ARFIP1: variants seen among roughly 807,000 people sequenced by gnomAD.
ARFIP1 encodes ARF interacting protein 1.
ARFIP1 carries 24 observed loss-of-function variants against 42.5 expected under a neutral mutation model. That is an observed-to-expected ratio of 0.57 (90% CI 0.41 to 0.80). The LOEUF (loss-of-function observed/expected upper bound fraction) is 0.80. Ranked by LOEUF, ARFIP1 falls within the 30% of genes least tolerant of loss-of-function variation. ARFIP1 has a pLI of 0.00. For synonymous variants in ARFIP1, 141 were observed against 153.7 expected (o/e 0.92, Z 0.61); for missense variants, 354 against 434.0 (o/e 0.82, Z 1.64).
chr4:152,879,183 TAA>T (rs560700406), intron 5 of ARFIP1, among the ~76,000 whole-genome samples: 3 of 143,558 alleles, frequency 2.1e-5, no homozygotes, highest in Non-Finnish European at 3.1e-5. Flanking sequence ...ACTCTTTTGT[TAA>T]AAAAAAAAAA....
At chr4:152,826,747 A>T (rs957797393) in intron 1 of ARFIP1, among the ~76,000 whole-genome samples, 5 of 152,218 alleles carry the variant, frequency 3.3e-5, no homozygotes, top group Non-Finnish European at 7.3e-5. Context: ...TTGTAGCAGC[A>T]CTGTTCACAA....
intron 2 of ARFIP1, among the ~76,000 whole-genome samples, chr4:152,833,196 A>G (rs1019300706): frequency 4.6e-5 from 7 of 152,066 alleles, no homozygotes; most frequent in African/African-American, 1.7e-4. Flanking sequence ...AGTCAATAGC[A>G]GAAAAACAGC....
At chr4:152,847,428 C>T (rs1363857887) in intron 2 of ARFIP1, among the ~76,000 whole-genome samples, 2 of 151,790 alleles carry the variant, frequency 1.3e-5, no homozygotes, top group South Asian at 2.1e-4. Context: ...CCACTGCACC[C>T]GGTGTCTTCT....
intron 5 of ARFIP1, among the ~76,000 whole-genome samples, chr4:152,873,483 AT>A (rs1271806414): frequency 3.3e-5 from 5 of 152,162 alleles, no homozygotes; most frequent in Non-Finnish European, 5.9e-5. Context: ...CTGTCCAAAA[AT>A]TATTTAGCTC....
At chr4:152,857,303 A>G (rs913813163) in intron 2 of ARFIP1, among the ~76,000 whole-genome samples, 1 of 152,244 alleles carries the variant, frequency 6.6e-6, no homozygotes, top group Non-Finnish European at 1.5e-5. Flanking sequence ...TTCTGAAATA[A>G]TGTTTTTTTA....
chr4:152,809,013 C>T (rs900174077), intron 1 of ARFIP1, among the ~76,000 whole-genome samples: 5 of 152,112 alleles, frequency 3.3e-5, no homozygotes, highest in Non-Finnish European at 7.4e-5. Flanking sequence ...GATTGCACCA[C>T]TGCATTCCAG....
intron 2 of ARFIP1, among the ~76,000 whole-genome samples, chr4:152,832,124 T>C (rs1731294465): frequency 6.6e-6 from 1 of 152,210 alleles, no homozygotes; most frequent in South Asian, 2.1e-4. Context: ...TTTGTTTTTA[T>C]TGAGTACATA....
At chr4:152,890,325 C>T (rs1395599130) in intron 8 of ARFIP1, among the ~76,000 whole-genome samples, 2 of 152,004 alleles carry the variant, frequency 1.3e-5, no homozygotes, top group African/African-American at 4.8e-5. Flanking sequence ...GAAGGAGACA[C>T]TTTTCATTTA....
chr4:152,821,967 T>C (rs1056787575), intron 1 of ARFIP1, among the ~76,000 whole-genome samples: 6 of 151,822 alleles, frequency 4.0e-5, no homozygotes, highest in African/African-American at 1.2e-4. Flanking sequence ...TTAAAAGGAG[T>C]TCTAAATCTT....
At chr4:152,807,512 C>T (rs1194972652) in intron 1 of ARFIP1, among the ~76,000 whole-genome samples, 4 of 152,172 alleles carry the variant, frequency 2.6e-5, no homozygotes, top group African/African-American at 7.2e-5. Context: ...TCCTTGATGA[C>T]TAATGATGTT....
intron 8 of ARFIP1, among the ~76,000 whole-genome samples, chr4:152,905,542 A>ATTTTTTTTTTTT (rs1391678382): frequency 9.8e-4 from 45 of 45,946 alleles, no homozygotes; most frequent in East Asian, 2.1e-3. Flanking sequence ...AATTGTAAGA[A>ATTTTTTTTTTTT]TTGTTTTTTT....
intron 1 of ARFIP1, among the ~76,000 whole-genome samples, chr4:152,792,348 T>G (rs1731188751): frequency 6.6e-6 from 1 of 152,238 alleles, no homozygotes; most frequent in Non-Finnish European, 1.5e-5. Context: ...TAAATTTCTT[T>G]GAAGACTTAT....
intron 2 of ARFIP1, among the ~76,000 whole-genome samples, chr4:152,844,836 A>AT (rs1175278726): frequency 6.6e-6 from 1 of 152,116 alleles, no homozygotes; most frequent in Non-Finnish European, 1.5e-5. Flanking sequence ...TGCCAGTATC[A>AT]TTTTTTCACA....
rs533135355 is a variant in ARFIP1 at position 152,818,494 on chromosome 4, G to A, written c.-9-11131G>A. Reference sequence around the variant, plus strand: ...GAGGGAAGCCATTCCCTATCACAGGGGACCTCATGTCAGCTAACTCAGGCT... The same window carrying A: ...GAGGGAAGCCATTCCCTATCACAGGAGACCTCATGTCAGCTAACTCAGGCT... On this transcript the variant is annotated intron_variant, in intron 1 of 8. Coordinates refer to ENST00000353617, the MANE Select transcript of ARFIP1 (RefSeq NM_001025595.3). 1.3e-3 allele frequency among the ~76,000 whole-genome samples: 198 copies of A among 152,278 alleles called. 1 individual carries two copies. Among genetic ancestry groups the A allele is most frequent in the Non-Finnish European group, 1.9e-3 (130 of 68,022 alleles).
intron 2 of ARFIP1, among the ~76,000 whole-genome samples, chr4:152,836,230 T>C (rs1215397727): frequency 2.0e-5 from 3 of 152,232 alleles, no homozygotes; most frequent in Non-Finnish European, 4.4e-5. Context: ...TTATTGACTA[T>C]GTGATGTTTT....
At chr4:152,884,297 A>G (rs1425609168) in intron 7 of ARFIP1, among the ~76,000 whole-genome samples, 1 of 151,992 alleles carries the variant, frequency 6.6e-6, no homozygotes, top group East Asian at 1.9e-4. Context: ...TTTCAGTCTC[A>G]GTGTAAATCC....
At chr4:152,903,765 A>C (rs1411241740) in intron 8 of ARFIP1, among the ~76,000 whole-genome samples, 1 of 152,076 alleles carries the variant, frequency 6.6e-6, no homozygotes, top group Non-Finnish European at 1.5e-5. Context: ...AAATACACTG[A>C]GCCTGAGCCT....
Position 152,912,213 on chromosome 4 carries a change from G to T in ARFIP1, c.*1994G>T, listed in dbSNP as rs1410646095. ...GTGGGCACATGACCAAAAGAAAAAAGTAAATCAATATATTTAGCCAATGGT... is the reference window on the plus strand; with the variant it reads ...GTGGGCACATGACCAAAAGAAAAAATTAAATCAATATATTTAGCCAATGGT... On this transcript the variant is annotated 3_prime_UTR_variant, in exon 9 of 9. Coordinates refer to ENST00000353617, the MANE Select transcript of ARFIP1 (RefSeq NM_001025595.3). The T allele has an allele frequency of 6.6e-6, 1 of 151,950 alleles. No homozygotes were observed. The highest frequency in any genetic ancestry group is 1.9e-4 in the East Asian group (1 of 5,194). The allele number at this position is 151,950 out of a possible 1,614,324, so 9.4% of individuals were successfully genotyped here.
chr4:152,873,661 C>T (rs977415837), intron 5 of ARFIP1, among the ~76,000 whole-genome samples: 6 of 152,286 alleles, frequency 3.9e-5, no homozygotes, highest in Non-Finnish European at 5.9e-5. Flanking sequence ...TCTTAATATT[C>T]TTTCACCTTT....
Sources: gnomAD v4.1 joint callset for allele counts (sites outside exome capture counted in the v4.1 genomes callset) on GRCh38, gnomAD v4.1.1 for gene constraint, MANE v1.5 for transcripts, NCBI Gene and HGNC (gene_info 2026-07-23, HGNC 2026-07-21) for gene names.